SLC44A5: variants seen among roughly 807,000 people sequenced by gnomAD.
The protein encoded by SLC44A5 is solute carrier family 44 member 5, also known as choline transporter-like protein 5.
In SLC44A5, 57 loss-of-function variants were observed where a neutral mutation model predicts 101.8. The observed-to-expected ratio is 0.56, with a 90% CI of 0.45 to 0.70. SLC44A5 has a LOEUF of 0.70. Ranked by LOEUF, SLC44A5 falls within the 30% of genes least tolerant of loss-of-function variation. SLC44A5 has a pLI of 0.00. For synonymous variants in SLC44A5, 281 were observed against 290.9 expected, an observed-to-expected ratio of 0.97 and a Z score of 0.35; for missense variants, 737 against 853.1, an observed-to-expected ratio of 0.86 and a Z score of 1.70.
intron 1 of SLC44A5, among the ~76,000 whole-genome samples, chr1:75,602,007 A>G (rs1302395572): frequency 6.6e-6 from 1 of 152,194 alleles, no homozygotes; most frequent in Non-Finnish European, 1.5e-5. Flanking sequence ...CCAGTCCTTT[A>G]ATACAAGCAA....
chr1:75,693,523 T>G, the SLC44A5 span, among the ~76,000 whole-genome samples: 2 of 152,188 alleles, frequency 1.3e-5, no homozygotes, highest in Non-Finnish European at 2.9e-5. Context: ...GAATGGGTAC[T>G]GAGTAAAAGA....
chr1:75,309,223 T>G (rs1655118805), intron 4 of SLC44A5, among the ~76,000 whole-genome samples: 1 of 152,162 alleles, frequency 6.6e-6, no homozygotes, highest in African/African-American at 2.4e-5. Context: ...TTGGGGGGAT[T>G]ACTTAAAGCT....
chr1:75,418,468 G>T (rs979741508), intron 2 of SLC44A5, among the ~76,000 whole-genome samples: 1 of 152,080 alleles, frequency 6.6e-6, no homozygotes, highest in South Asian at 2.1e-4. Context: ...GTGTTCAGGG[G>T]GTAAAAAATC....
At chr1:75,240,335 G>A (rs1648507196) in intron 9 of SLC44A5, among the ~76,000 whole-genome samples, 1 of 151,922 alleles carries the variant, frequency 6.6e-6, no homozygotes, top group Non-Finnish European at 1.5e-5. Flanking sequence ...ATTCCATTGA[G>A]TGCTATTTAA....
chr1:75,704,477 T>C, the SLC44A5 span, among the ~76,000 whole-genome samples: 2 of 152,190 alleles, frequency 1.3e-5, no homozygotes, highest in Middle Eastern at 3.2e-3. Context: ...AAGATTCTTA[T>C]GTTCTGGTTA....
At chr1:75,596,053 C>A (rs1303407749) in intron 1 of SLC44A5, among the ~76,000 whole-genome samples, 1 of 152,140 alleles carries the variant, frequency 6.6e-6, no homozygotes, top group Non-Finnish European at 1.5e-5. Flanking sequence ...AATATCAAAT[C>A]TTCTAATAAC....
At chr1:75,496,189 T>C (rs1360554844) in intron 2 of SLC44A5, among the ~76,000 whole-genome samples, 1 of 152,116 alleles carries the variant, frequency 6.6e-6, no homozygotes, top group African/African-American at 2.4e-5. Context: ...CATCACACTT[T>C]CTGATTTCAA....
At chr1:75,259,735 C>A (rs148647255) in intron 6 of SLC44A5, among the ~76,000 whole-genome samples, 1 of 152,082 alleles carries the variant, frequency 6.6e-6, no homozygotes, top group Non-Finnish European at 1.5e-5. Context: ...TCATCAGATT[C>A]ACCAAGGTTG....
chr1:75,277,945 T>C (rs549717555), intron 5 of SLC44A5, among the ~76,000 whole-genome samples: 12 of 152,186 alleles, frequency 7.9e-5, no homozygotes, highest in Non-Finnish European at 1.3e-4. Flanking sequence ...AAAAAGGAGA[T>C]GGGCAGCAGC....
intron 13 of SLC44A5, among the ~76,000 whole-genome samples, chr1:75,223,517 G>A (rs1647132737): frequency 6.6e-6 from 1 of 152,148 alleles, no homozygotes; most frequent in South Asian, 2.1e-4. Context: ...AAAGTAAAAG[G>A]TATGGATCTT....
At chr1:75,659,493 GC>G in the SLC44A5 span, among the ~76,000 whole-genome samples, 64,760 of 107,684 alleles carry the variant, frequency 0.6, 21,648 homozygotes, top group African/African-American at 0.68. Flanking sequence ...AGGAAGGAAG[GC>G]AGGCAGGCAG....
At chr1:75,659,662 T>G in the SLC44A5 span, among the ~76,000 whole-genome samples, 1 of 145,704 alleles carries the variant, frequency 6.9e-6, no homozygotes, top group Non-Finnish European at 1.5e-5. Context: ...TAACTGAGCC[T>G]GGTAGCACGT....
At chr1:75,577,328 C>T (rs1673428893) in intron 1 of SLC44A5, among the ~76,000 whole-genome samples, 1 of 152,180 alleles carries the variant, frequency 6.6e-6, no homozygotes, top group African/African-American at 2.4e-5. Flanking sequence ...AATAAAAGCC[C>T]AAGTCTACAA....
chr1:75,700,110 T>C, the SLC44A5 span, among the ~76,000 whole-genome samples: 6,714 of 152,088 alleles, frequency 0.044, 204 homozygotes, highest in African/African-American at 0.092. Context: ...GACAGAAAGT[T>C]AACAAGGATA....
chr1:75,511,125 G>A (rs545654023), intron 2 of SLC44A5, among the ~76,000 whole-genome samples: 1 of 152,012 alleles, frequency 6.6e-6, no homozygotes, highest in Non-Finnish European at 1.5e-5. Context: ...CCTGGGCGAC[G>A]GAGCGAGACT....
At chr1:75,708,034 C>G in the SLC44A5 span, among the ~76,000 whole-genome samples, 1 of 151,958 alleles carries the variant, frequency 6.6e-6, no homozygotes. Flanking sequence ...TATTATTGCT[C>G]TTAATATTAT....
At chr1:75,702,516 GATT>G in the SLC44A5 span, among the ~76,000 whole-genome samples, 2 of 152,020 alleles carry the variant, frequency 1.3e-5, no homozygotes, top group Non-Finnish European at 2.9e-5. Context: ...ATTCAAGATG[GATT>G]AAAGACTTAA....
upstream of SLC44A5, chr1:75,615,964 G>A: frequency 6.1e-6 from 5 of 825,948 alleles, no homozygotes; most frequent in South Asian, 1.6e-4. Context: ...AGCCCTCGCC[G>A]CGGCTCTCAG....
chr1:75,670,830 T>C, the SLC44A5 span, among the ~76,000 whole-genome samples: 1 of 152,202 alleles, frequency 6.6e-6, no homozygotes, highest in Non-Finnish European at 1.5e-5. Context: ...GGGACAGTTG[T>C]CTTACTGGAG....
Sources: gnomAD v4.1 joint callset for allele counts (sites outside exome capture counted in the v4.1 genomes callset) on GRCh38, gnomAD v4.1.1 for gene constraint, MANE v1.5 for transcripts, NCBI Gene and HGNC (gene_info 2026-07-23, HGNC 2026-07-21) for gene names.